Variants in FSIP1 observed in about 807,000 individuals in gnomAD.
FSIP1 encodes fibrous sheath-interacting protein 1.
FSIP1 carries 65 observed loss-of-function variants against 60.9 expected under a neutral mutation model. That is an observed-to-expected ratio of 1.07 (90% CI 0.87 to 1.31). The LOEUF is 1.31. Ranked by LOEUF, FSIP1 falls within the 40% of genes most tolerant of loss-of-function variation. The pLI, the probability that FSIP1 is intolerant of heterozygous loss-of-function variation, is 0.00. For missense variants in FSIP1, 675 were observed against 665.5 expected (o/e 1.01, Z -0.16); for synonymous variants, 209 against 221.2 (o/e 0.94, Z 0.49).
chr15:39,771,827 T>A lies in FSIP1; in HGVS notation c.127-1217A>T, dbSNP rs192729784. The stretch of plus-strand genomic sequence containing the variant: ...TATTTCTGCCAAATGCCAGAAAAAG[T>A]CTGTAATTCCACAATATCCAGTTAA... On this transcript the variant is annotated intron_variant, in intron 2 of 11. Coordinates refer to ENST00000350221, the MANE Select transcript of FSIP1 (RefSeq NM_152597.5). Among the ~76,000 whole-genome samples, 177 of 152,278 alleles carry A rather than the reference T, an allele frequency of 1.2e-3. 2 individuals carry two copies. The highest frequency in any genetic ancestry group is 0.01 in the Admixed American group (156 of 15,302).
chr15:39,674,155 T>A (rs188686486), intron 10 of FSIP1, among the ~76,000 whole-genome samples: 1 of 151,520 alleles, frequency 6.6e-6, no homozygotes, highest in African/African-American at 2.4e-5. Context: ...CCCGGGTTCA[T>A]GCCATTCTCC....
intron 10 of FSIP1, among the ~76,000 whole-genome samples, chr15:39,644,971 A>T (rs947998818): frequency 3.0e-4 from 45 of 152,256 alleles, no homozygotes; most frequent in African/African-American, 9.6e-4. Context: ...CAAAGCTGTC[A>T]TTAAGAGATA....
intron 9 of FSIP1, among the ~76,000 whole-genome samples, chr15:39,719,149 T>C (rs1199263096): frequency 6.6e-6 from 1 of 152,210 alleles, no homozygotes; most frequent in African/African-American, 2.4e-5. Flanking sequence ...CTGATGCTGA[T>C]GAAAATTGCC....
chr15:39,772,493 C>T (rs1331631214), intron 2 of FSIP1, among the ~76,000 whole-genome samples: 3 of 151,952 alleles, frequency 2.0e-5, no homozygotes, highest in East Asian at 3.9e-4. Flanking sequence ...TGGGATTTCA[C>T]CATATTGCCT....
At chr15:39,737,988 C>A in intron 8 of FSIP1, 103 bp downstream of exon 8, 1 of 691,078 alleles carries the variant, frequency 1.4e-6, no homozygotes, top group Admixed American at 3.0e-5. Flanking sequence ...AATAATGTCT[C>A]AGAATCCGAA....
intron 10 of FSIP1, among the ~76,000 whole-genome samples, chr15:39,688,966 C>G (rs1894491837): frequency 6.6e-6 from 1 of 152,140 alleles, no homozygotes; most frequent in South Asian, 2.1e-4. Flanking sequence ...GTGGCATTAA[C>G]TAGTTTGGAT....
chr15:39,620,757 A>AATAT (rs35811726), intron 10 of FSIP1, among the ~76,000 whole-genome samples: 18,312 of 144,430 alleles, frequency 0.13, 1,305 homozygotes, highest in East Asian at 0.3. Flanking sequence ...ACACCTGGCT[A>AATAT]ATATATATAT....
chr15:39,642,825 T>C (rs1038254645), intron 10 of FSIP1, among the ~76,000 whole-genome samples: 2 of 152,220 alleles, frequency 1.3e-5, no homozygotes, highest in Admixed American at 6.5e-5. Flanking sequence ...TTGATTCCTA[T>C]GGCAAAGTGT....
intron 10 of FSIP1, among the ~76,000 whole-genome samples, chr15:39,693,167 T>C (rs918629169): frequency 1.3e-5 from 2 of 152,198 alleles, no homozygotes; most frequent in African/African-American, 4.8e-5. Flanking sequence ...TCGGGAATTT[T>C]TAACAGTCTT....
intron 9 of FSIP1, among the ~76,000 whole-genome samples, chr15:39,724,014 CTTTT>C: frequency 1.3e-5 from 2 of 152,268 alleles, no homozygotes; most frequent in Middle Eastern, 3.4e-3. Context: ...TAAATTATTT[CTTTT>C]TAACAACTAC....
chr15:39,761,373 TG>T (rs1283395140), intron 5 of FSIP1, among the ~76,000 whole-genome samples: 2 of 152,234 alleles, frequency 1.3e-5, no homozygotes, highest in Non-Finnish European at 2.9e-5. Context: ...ATAGACACCA[TG>T]GAGTACTTTT....
intron 9 of FSIP1, among the ~76,000 whole-genome samples, chr15:39,717,656 A>G (rs1475323234): frequency 6.6e-6 from 1 of 152,238 alleles, no homozygotes; most frequent in Non-Finnish European, 1.5e-5. Context: ...AAACAGCTAT[A>G]AGCTGACTGT....
chr15:39,700,753 C>T (rs1220854970), intron 10 of FSIP1, among the ~76,000 whole-genome samples: 7 of 152,164 alleles, frequency 4.6e-5, no homozygotes, highest in Non-Finnish European at 8.8e-5. Context: ...CAGAAGAATC[C>T]AGTTACACAA....
chr15:39,655,198 T>C (rs1468106681), intron 10 of FSIP1, among the ~76,000 whole-genome samples: 1 of 152,196 alleles, frequency 6.6e-6, no homozygotes, highest in Non-Finnish European at 1.5e-5. Flanking sequence ...GAATACTATA[T>C]GAAAAGAGAT....
chr15:39,776,163 GAGCA>G (rs1898049567), intron 2 of FSIP1, among the ~76,000 whole-genome samples: 2 of 117,398 alleles, frequency 1.7e-5, no homozygotes, highest in African/African-American at 6.2e-5. Context: ...GGGAGGGGAG[GAGCA>G]GAGGGAGGGG....
chr15:39,755,198 T>C (rs1897265123), intron 5 of FSIP1, among the ~76,000 whole-genome samples: 2 of 151,788 alleles, frequency 1.3e-5, no homozygotes, highest in Non-Finnish European at 2.9e-5. Flanking sequence ...CCAGAGAGAT[T>C]GAAGCTCTAG....
chr15:39,638,699 A>C (rs775243666), intron 10 of FSIP1, among the ~76,000 whole-genome samples: 1 of 152,196 alleles, frequency 6.6e-6, no homozygotes, highest in East Asian at 1.9e-4. Flanking sequence ...ATGGGCCATA[A>C]GGAAGAGTGA....
In FSIP1 at chr15:39,726,555, A is replaced by ATGT. The variant is rs771038537; in HGVS notation, c.1050+33_1050+34insACA. On this transcript the variant is annotated intron_variant, in intron 9 of 11. Coordinates refer to ENST00000350221, the MANE Select transcript of FSIP1 (RefSeq NM_152597.5). ...AATTATGTGAACAGCTTTAGCACAC[A>ATGT]TTAACTTGAACAGTCTATGGGTTCT... is the stretch of plus-strand genomic sequence containing the variant. 1.8e-3 allele frequency: 2,786 copies of ATGT among 1,540,562 alleles called. 39 individuals are homozygous for ATGT. Among genetic ancestry groups the ATGT allele is most frequent in the Admixed American group, 4.6e-3 (271 of 59,020 alleles).
chr15:39,715,316 C>T (rs1250671358), intron 9 of FSIP1, among the ~76,000 whole-genome samples: 1 of 152,084 alleles, frequency 6.6e-6, no homozygotes, highest in East Asian at 1.9e-4. Context: ...ATAATATTCC[C>T]TGACATACCC....
Sources: gnomAD v4.1 joint callset for allele counts (sites outside exome capture counted in the v4.1 genomes callset) on GRCh38, gnomAD v4.1.1 for gene constraint, MANE v1.5 for transcripts, NCBI Gene and HGNC (gene_info 2026-07-23, HGNC 2026-07-21) for gene names.